The following SAMD4A variants were observed in gnomAD, a reference collection of about 807,000 sequenced individuals.
The protein encoded by SAMD4A is sterile alpha motif domain containing 4A, also known as protein Smaug homolog 1.
SAMD4A carries 33 observed loss-of-function variants against 81.3 expected under a neutral mutation model. The observed-to-expected ratio is 0.41, with a 90% CI of 0.31 to 0.54. The LOEUF (loss-of-function observed/expected upper bound fraction) is 0.54. Ranked by LOEUF, SAMD4A falls within the 20% of genes least tolerant of loss-of-function variation. SAMD4A has a pLI of 0.37. For missense variants in SAMD4A, 854 were observed against 951.1 expected (o/e 0.90, Z 1.34); for synonymous variants, 389 against 382.1 (o/e 1.02, Z -0.21).
intron 2 of SAMD4A, among the ~76,000 whole-genome samples, chr14:54,587,174 A>T (rs1237072686): frequency 1.3e-5 from 2 of 151,730 alleles, no homozygotes; most frequent in Admixed American, 1.3e-4. Flanking sequence ...TAAGCATTTT[A>T]TTTTGTTTGC....
intron 2 of SAMD4A, among the ~76,000 whole-genome samples, chr14:54,605,860 C>T (rs868112415): frequency 7.2e-5 from 11 of 151,736 alleles, no homozygotes; most frequent in South Asian, 2.1e-4. Flanking sequence ...AATTATTTTA[C>T]GGAATGATCA....
chr14:54,737,398 C>T (rs1160741614), intron 4 of SAMD4A, 111 bp downstream of exon 4: 5 of 1,249,288 alleles, frequency 4.0e-6, no homozygotes, highest in Non-Finnish European at 5.6e-6. Flanking sequence ...ACCCCTTCCC[C>T]AGGCTTACGC....
intron 2 of SAMD4A, among the ~76,000 whole-genome samples, chr14:54,634,894 A>G (rs1289388893): frequency 2.6e-5 from 4 of 152,186 alleles, no homozygotes; most frequent in African/African-American, 9.7e-5. Context: ...CAAGACTTTT[A>G]AGTTAAAATG....
Position 54,702,327 on chromosome 14 carries a change from G to A in SAMD4A, c.462G>A (p.Thr154=), listed in dbSNP as rs748177073. The change falls in exon 3 of 13, where the codon ACG becomes ACA. Residue 154 remains threonine, a synonymous_variant. Coordinates refer to ENST00000554335, the MANE Select transcript of SAMD4A (RefSeq NM_015589.6). ...AMWLNHLEDR[T]STSFGGQNRG... The stretch of plus-strand genomic sequence containing the variant: ...GGCTGAATCACTTGGAGGACCGCAC[G>A]TCGACCAGCTTTGGTGGCCAGAACC... 6.4e-5 allele frequency: 104 copies of A among 1,613,004 alleles called. 1 individual carries two copies. The South Asian group carries it at 1.0e-3, about 16-fold the overall frequency.
intron 2 of SAMD4A, among the ~76,000 whole-genome samples, chr14:54,678,805 C>T (rs1482007902): frequency 2.0e-5 from 3 of 152,168 alleles, no homozygotes; most frequent in African/African-American, 7.2e-5. Flanking sequence ...GCCTCGGCCT[C>T]CCAAAGTGCT....
At position 54,789,300 on chromosome 14, in the gene SAMD4A, A is replaced by G; in HGVS notation, c.*356A>G. The G allele has an allele frequency of 3.2e-6, 1 of 315,936 alleles. No homozygotes were observed. The highest frequency in any genetic ancestry group is 6.0e-6 in the Non-Finnish European group (1 of 167,942). The allele number at this position is 315,936 out of a possible 1,614,324, so 19.6% of individuals were successfully genotyped here. A position where few individuals can be genotyped will look rare whatever the true frequency, so the allele number is the denominator to read the frequency against. On this transcript the variant is annotated 3_prime_UTR_variant, in exon 13 of 13. Coordinates refer to ENST00000554335, the MANE Select transcript of SAMD4A (RefSeq NM_015589.6). Reference sequence around the variant, plus strand: ...GCCATGAAAGAGATAGGAGACACATAAGAGGACAGCAGAAGCCCTGGCCCT... The same window carrying G: ...GCCATGAAAGAGATAGGAGACACATGAGAGGACAGCAGAAGCCCTGGCCCT...
intron 3 of SAMD4A, among the ~76,000 whole-genome samples, chr14:54,718,849 CA>C (rs1458543257): frequency 7.9e-5 from 12 of 151,880 alleles, no homozygotes; most frequent in Non-Finnish European, 1.8e-4. Flanking sequence ...ACTAAAACTA[CA>C]AAAATCAGCT....
intron 2 of SAMD4A, among the ~76,000 whole-genome samples, chr14:54,576,801 G>C (rs2140129710): frequency 6.6e-6 from 1 of 152,334 alleles, no homozygotes; most frequent in East Asian, 1.9e-4. Flanking sequence ...TGTGGCTTTA[G>C]CGTGGTTTCA....
At chr14:54,736,234 G>A (rs1223918344) in intron 3 of SAMD4A, among the ~76,000 whole-genome samples, 8 of 152,300 alleles carry the variant, frequency 5.3e-5, no homozygotes, top group East Asian at 1.9e-4. Flanking sequence ...TGGGGGCTGC[G>A]CAGATGTTGC....
chr14:54,748,242 A>T (rs2038014749), intron 4 of SAMD4A, among the ~76,000 whole-genome samples: 1 of 152,204 alleles, frequency 6.6e-6, no homozygotes, highest in Non-Finnish European at 1.5e-5. Flanking sequence ...GGCATTTTTC[A>T]TGGGGAAAGA....
At chr14:54,785,236 A>G (rs1048001262) in intron 12 of SAMD4A, among the ~76,000 whole-genome samples, 5 of 152,234 alleles carry the variant, frequency 3.3e-5, no homozygotes, top group African/African-American at 1.2e-4. Context: ...GCCCAAGCCC[A>G]GAATGGGGGC....
intron 2 of SAMD4A, among the ~76,000 whole-genome samples, chr14:54,648,199 T>C (rs1234434414): frequency 6.6e-6 from 1 of 152,200 alleles, no homozygotes; most frequent in Non-Finnish European, 1.5e-5. Context: ...ATACTTGTTA[T>C]AGCAATAGGA....
In SAMD4A at chr14:54,760,326, C is replaced by T. The variant is rs758336092; in HGVS notation, c.1342C>T (p.Pro448Ser). 22 of 1,605,094 alleles carry T rather than the reference C, an allele frequency of 1.4e-5. No individual in the cohort carries two copies. In the South Asian group the frequency reaches 2.4e-4, roughly 18 times the overall value. ...PSLMGPESQS[P>S]DCKDGAAATG... ...ACTGATGGGCCCCGAGAGCCAGAGC[C>T]CCGACTGCAAAGATGGGGCCGCAGC... Residue 448 changes from proline (P) to serine (S), a missense_variant, in exon 7 of 13, where the codon CCC becomes TCC. Pro to Ser is a moderately conservative substitution (Grantham distance 74, BLOSUM62 -1). Transcript: ENST00000554335.
intron 2 of SAMD4A, among the ~76,000 whole-genome samples, chr14:54,603,218 A>G (rs868090781): frequency 1.3e-5 from 2 of 152,226 alleles, no homozygotes; most frequent in African/African-American, 2.4e-5. Flanking sequence ...CATCAAGGGT[A>G]TTGGTAGTCT....
At chr14:54,729,302 A>T (rs556514791) in intron 3 of SAMD4A, among the ~76,000 whole-genome samples, 1 of 152,294 alleles carries the variant, frequency 6.6e-6, no homozygotes, top group South Asian at 2.1e-4. Context: ...CACTTTCTGC[A>T]TAGGCATGTG....
At chr14:54,780,705 A>G (rs2038978201) in intron 11 of SAMD4A, among the ~76,000 whole-genome samples, 1 of 152,172 alleles carries the variant, frequency 6.6e-6, no homozygotes, top group Non-Finnish European at 1.5e-5. Context: ...AGATGGTACA[A>G]TATCATCTTA....
chr14:54,754,813 T>C, intron 6 of SAMD4A: 1 of 987,748 alleles, frequency 1.0e-6, no homozygotes, highest in African/African-American at 1.7e-5. Context: ...CTGAGTTCTG[T>C]GTGCAGAGCT....
At chr14:54,604,027 G>A (rs561116860) in intron 2 of SAMD4A, among the ~76,000 whole-genome samples, 560 of 152,184 alleles carry the variant, frequency 3.7e-3, no homozygotes, top group Non-Finnish European at 5.4e-3. Context: ...GTTTCTCCAC[G>A]TTGGCCAGGA....
chr14:54,669,005 A>C (rs1276834141), intron 2 of SAMD4A, among the ~76,000 whole-genome samples: 1 of 152,250 alleles, frequency 6.6e-6, no homozygotes, highest in Non-Finnish European at 1.5e-5. Flanking sequence ...GCCCGAGGCC[A>C]TAGAGCAGAG....
Sources: gnomAD v4.1 joint callset for allele counts (sites outside exome capture counted in the v4.1 genomes callset) on GRCh38, gnomAD v4.1.1 for gene constraint, MANE v1.5 for transcripts, NCBI Gene and HGNC (gene_info 2026-07-23, HGNC 2026-07-21) for gene names.